The following FHIP2A variants were observed in gnomAD, a reference collection of about 807,000 sequenced individuals.
FHIP2A encodes the protein FHF complex subunit HOOK interacting protein 2A.
FHIP2A carries 46 observed loss-of-function variants against 93.5 expected under a neutral mutation model. That is an observed-to-expected ratio of 0.49 (90% CI 0.39 to 0.63). The LOEUF is 0.63. FHIP2A is among the 20% of genes least tolerant of loss of function. The pLI, the probability that FHIP2A is intolerant of heterozygous loss-of-function variation, is 0.00. For synonymous variants in FHIP2A, 332 were observed against 326.5 expected (o/e 1.02, Z -0.18); for missense variants, 769 against 909.7 (o/e 0.85, Z 1.99).
In FHIP2A at chr10:114,885,113, G is replaced by A. The variant is rs200792375; in HGVS notation, c.2193-14377G>A. Among the ~76,000 whole-genome samples, 6 of 151,802 alleles carry A rather than the reference G, an allele frequency of 4.0e-5. No homozygotes were observed. The East Asian group carries it at 7.8e-4, about 20-fold the overall frequency. ...GAAAAATATTTTTAAAAGGTGACCC[G>A]GCCTGGCGAGGTGGCTCATGCCTAT... On this transcript the variant is annotated intron_variant, in intron 16 of 16. Coordinates refer to the FHIP2A transcript ENST00000369250.
chr10:114,824,078 T>C (rs757974987), intron 1 of FHIP2A, among the ~76,000 whole-genome samples: 47 of 152,326 alleles, frequency 3.1e-4, no homozygotes, highest in South Asian at 2.1e-4. Context: ...AGAGATGATT[T>C]AAAGAATACA....
Position 114,834,693 on chromosome 10 carries a change from CT to C in FHIP2A, c.295-843del, listed in dbSNP as rs1409097973. On this transcript the variant is annotated intron_variant, in intron 3 of 16. Coordinates refer to ENST00000369248, the MANE Select transcript of FHIP2A (RefSeq NM_020940.4). Reference sequence around the variant, plus strand: ...ACTTTTCAGCAAATACTTAAAACAACTGGCATGTTACAAAAACTAATTTATT... The same window carrying C: ...ACTTTTCAGCAAATACTTAAAACAACGGCATGTTACAAAAACTAATTTATT... Among the ~76,000 whole-genome samples the C allele has an allele frequency of 5.9e-5, 9 of 152,218 alleles. 1 individual carries two copies. The East Asian group carries it at 1.7e-3, about 29-fold the overall frequency.
intron 16 of FHIP2A, among the ~76,000 whole-genome samples, chr10:114,888,063 G>A (rs113188448): frequency 3.9e-3 from 592 of 152,240 alleles, no homozygotes; most frequent in African/African-American, 0.013. Flanking sequence ...TAGCAGTGCC[G>A]ATGATCTTCT....
intron 16 of FHIP2A, among the ~76,000 whole-genome samples, chr10:114,881,286 T>C (rs2083915873): frequency 6.6e-6 from 1 of 152,192 alleles, no homozygotes; most frequent in African/African-American, 2.4e-5. Flanking sequence ...TCACAGCCTT[T>C]TGGAGAGCTT....
chr10:114,824,289 G>T (rs1308966390), intron 1 of FHIP2A, among the ~76,000 whole-genome samples: 1 of 152,072 alleles, frequency 6.6e-6, no homozygotes, highest in East Asian at 1.9e-4. Flanking sequence ...CCTAGTAAAG[G>T]CTCATTTTTA....
At chr10:114,860,726 TTC>T (rs761012476) in intron 14 of FHIP2A, 21 bp from the exon 15 acceptor site, 9 of 1,547,276 alleles carry the variant, frequency 5.8e-6, no homozygotes, top group Admixed American at 1.7e-5. Context: ...TTAAATGTCT[TTC>T]TGTTTTTTAT....
intron 16 of FHIP2A, among the ~76,000 whole-genome samples, chr10:114,884,486 C>G (rs1333608153): frequency 6.6e-6 from 1 of 152,156 alleles, no homozygotes; most frequent in Non-Finnish European, 1.5e-5. Flanking sequence ...AGGAAAATTA[C>G]CATTTAAGGA....
intron 13 of FHIP2A, among the ~76,000 whole-genome samples, chr10:114,849,065 C>G (rs1224312718): frequency 7.4e-6 from 1 of 135,960 alleles, no homozygotes; most frequent in Admixed American, 8.4e-5. Flanking sequence ...TCGCTTGAAC[C>G]TGGGAGGTGG....
chr10:114,862,378 A>G lies in FHIP2A; in HGVS notation c.*838A>G. The G allele has an allele frequency of 1.0e-6, 1 of 987,394 alleles. No individual in the cohort carries two copies. The highest frequency in any genetic ancestry group is 1.2e-6 in the Non-Finnish European group (1 of 830,038). 61.2% of individuals were successfully genotyped at this position (987,394 alleles called of 1,614,324 possible). A position where few individuals can be genotyped will look rare whatever the true frequency, so the allele number is the denominator to read the frequency against. ...CTTTTTCCCCCCTCTCCCTCTCAGA[A>G]AATTGCTTTATAAAATTGCTTTATA... On this transcript the variant is annotated 3_prime_UTR_variant, in exon 17 of 17. Coordinates refer to ENST00000369248, the MANE Select transcript of FHIP2A (RefSeq NM_020940.4).
intron 14 of FHIP2A, among the ~76,000 whole-genome samples, chr10:114,855,829 G>C (rs996688655): frequency 6.6e-6 from 1 of 152,106 alleles, no homozygotes; most frequent in African/African-American, 2.4e-5. Flanking sequence ...AAATAGAAAA[G>C]GTTAATGTAC....
intron 14 of FHIP2A, among the ~76,000 whole-genome samples, chr10:114,859,517 T>C (rs1030741592): frequency 5.3e-5 from 8 of 152,214 alleles, no homozygotes; most frequent in Non-Finnish European, 1.2e-4. Flanking sequence ...TCTGTCTCAC[T>C]CTTGCCACCT....
rs2083803224 is a variant in FHIP2A at position 114,862,031 on chromosome 10, GA to G, written c.*498del. 2 of 967,912 alleles carry G rather than the reference GA, an allele frequency of 2.1e-6. No individual in the cohort carries two copies. Among genetic ancestry groups the G allele is most frequent in the Non-Finnish European group, 2.5e-6 (2 of 813,856 alleles). 60.0% of individuals were successfully genotyped at this position (967,912 alleles called of 1,614,324 possible). ...AACAAAATATGAAAACTGTAAATGA[GA>G]AAAAAATACAATTCAGAAACCATTG... is the stretch of plus-strand genomic sequence containing the variant. On this transcript the variant is annotated 3_prime_UTR_variant, in exon 17 of 17. Coordinates refer to ENST00000369248, the MANE Select transcript of FHIP2A (RefSeq NM_020940.4).
intron 14 of FHIP2A, 88 bp downstream of exon 14, chr10:114,855,428 T>A: frequency 8.8e-7 from 1 of 1,136,108 alleles, no homozygotes; most frequent in South Asian, 1.8e-5. Context: ...TTCAATAAAG[T>A]ACTTTTATTG....
At chr10:114,847,261 C>A in intron 12 of FHIP2A, 28 bp downstream of exon 12, 1 of 1,581,438 alleles carries the variant, frequency 6.3e-7, no homozygotes, top group Admixed American at 1.9e-5. Flanking sequence ...ATTTGACTTC[C>A]ATCTCTCTTG....
chr10:114,872,428 C>A (rs968502782), intron 16 of FHIP2A, among the ~76,000 whole-genome samples: 5 of 152,106 alleles, frequency 3.3e-5, no homozygotes, highest in African/African-American at 9.7e-5. Flanking sequence ...AATTATGGTT[C>A]TTTTTTGTAT....
chr10:114,890,704 C>A (rs946835797), intron 16 of FHIP2A, among the ~76,000 whole-genome samples: 1 of 144,860 alleles, frequency 6.9e-6, no homozygotes. Flanking sequence ...AAAATATATA[C>A]CGTATATGAC....
At chr10:114,822,158 G>T (rs1450736895) in intron 1 of FHIP2A, 35 bp downstream of exon 1, 3 of 1,256,744 alleles carry the variant, frequency 2.4e-6, no homozygotes, top group East Asian at 6.9e-5. Flanking sequence ...CGGCAGGCCG[G>T]GGATGGCGGC....
chr10:114,834,738 A>T (rs1217283281), intron 3 of FHIP2A, among the ~76,000 whole-genome samples: 2 of 152,200 alleles, frequency 1.3e-5, no homozygotes, highest in Non-Finnish European at 2.9e-5. Context: ...TTTGCCTATT[A>T]TAATCATAAT....
At chr10:114,878,608 G>A (rs1339753294) in intron 16 of FHIP2A, among the ~76,000 whole-genome samples, 5 of 151,852 alleles carry the variant, frequency 3.3e-5, no homozygotes, top group African/African-American at 4.8e-5. Flanking sequence ...GCGAAACCCC[G>A]TCTCTACTAA....
Sources: gnomAD v4.1 joint callset for allele counts (sites outside exome capture counted in the v4.1 genomes callset) on GRCh38, gnomAD v4.1.1 for gene constraint, MANE v1.5 for transcripts, NCBI Gene and HGNC (gene_info 2026-07-23, HGNC 2026-07-21) for gene names.